The following GSK3B variants were observed in gnomAD, a reference collection of about 807,000 sequenced individuals.
GSK3B encodes glycogen synthase kinase 3 beta.
GSK3B carries 15 observed loss-of-function variants against 56.4 expected under a neutral mutation model. That is an observed-to-expected ratio of 0.27 (90% CI 0.18 to 0.41). GSK3B has a LOEUF of 0.41. Ranked by LOEUF, GSK3B falls within the 10% of genes least tolerant of loss-of-function variation. GSK3B has a pLI of 1.00. For missense variants in GSK3B, 300 were observed against 513.4 expected, an observed-to-expected ratio of 0.58 and a Z score of 4.02; for synonymous variants, 181 against 188.9, an observed-to-expected ratio of 0.96 and a Z score of 0.34.
intron 9 of GSK3B, among the ~76,000 whole-genome samples, chr3:119,849,475 C>T (rs551551474): frequency 5.4e-4 from 82 of 152,292 alleles, no homozygotes; most frequent in African/African-American, 1.9e-3. Context: ...GACATTTTGA[C>T]AAAGCTGTTA....
intron 1 of GSK3B, among the ~76,000 whole-genome samples, chr3:120,005,143 T>A (rs2057715621): frequency 1.3e-5 from 2 of 151,738 alleles, no homozygotes; most frequent in Non-Finnish European, 2.9e-5. Flanking sequence ...CAAGCTTCAG[T>A]AGCTGATTCA....
intron 2 of GSK3B, among the ~76,000 whole-genome samples, chr3:119,976,863 G>C (rs1309218909): frequency 1.3e-5 from 2 of 149,534 alleles, no homozygotes; most frequent in Non-Finnish European, 3.0e-5. Flanking sequence ...CCTTACCTCA[G>C]ATATATATGG....
chr3:119,884,501 T>C (rs1162868956), intron 7 of GSK3B, among the ~76,000 whole-genome samples: 1 of 152,138 alleles, frequency 6.6e-6, no homozygotes, highest in Non-Finnish European at 1.5e-5. Flanking sequence ...ACAGATACAA[T>C]ATTATCCTCT....
chr3:119,854,369 T>G (rs1468610683), intron 9 of GSK3B, among the ~76,000 whole-genome samples: 1 of 152,158 alleles, frequency 6.6e-6, no homozygotes, highest in Non-Finnish European at 1.5e-5. Flanking sequence ...GGGATATTGG[T>G]CTAAAATTCT....
intron 8 of GSK3B, among the ~76,000 whole-genome samples, chr3:119,866,878 G>GAA (rs1464152205): frequency 2.0e-4 from 31 of 152,236 alleles, no homozygotes; most frequent in African/African-American, 7.5e-4. Context: ...GCACAGTAAA[G>GAA]AAACATTTTA....
At chr3:120,034,029 T>C (rs2058000809) in intron 1 of GSK3B, among the ~76,000 whole-genome samples, 1 of 152,162 alleles carries the variant, frequency 6.6e-6, no homozygotes, top group South Asian at 2.1e-4. Flanking sequence ...CTTGTAGAAG[T>C]AGATATACAT....
At chr3:119,983,463 C>G (rs1305946191) in intron 2 of GSK3B, among the ~76,000 whole-genome samples, 1 of 151,636 alleles carries the variant, frequency 6.6e-6, no homozygotes, top group East Asian at 1.9e-4. Context: ...GGAGACCCAT[C>G]TCATATGCAA....
chr3:119,919,532 G>GAAAAAAAAAAAAAAAAAAAAAAAAA (rs1191428996), intron 4 of GSK3B, among the ~76,000 whole-genome samples: 1 of 97,362 alleles, frequency 1.0e-5, no homozygotes, highest in Non-Finnish European at 2.2e-5. Flanking sequence ...AAAAAAAAAA[G>GAAAAAAAAAAAAAAAAAAAAAAAAA]AAAAAAAAAA....
intron 2 of GSK3B, among the ~76,000 whole-genome samples, chr3:119,954,297 T>A (rs947649885): frequency 1.4e-3 from 129 of 89,856 alleles, no homozygotes; most frequent in African/African-American, 4.8e-3. Flanking sequence ...TAGAATAGAA[T>A]AGAATAGAAA....
At chr3:120,027,203 T>G (rs1240023349) in intron 1 of GSK3B, among the ~76,000 whole-genome samples, 1 of 150,926 alleles carries the variant, frequency 6.6e-6, no homozygotes, top group Non-Finnish European at 1.5e-5. Flanking sequence ...GGTGAAGCCC[T>G]GTCTCTACTA....
chr3:120,026,114 T>C (rs532043148), intron 1 of GSK3B, among the ~76,000 whole-genome samples: 4 of 152,254 alleles, frequency 2.6e-5, no homozygotes, highest in Admixed American at 2.6e-4. Flanking sequence ...CCCCCAAATA[T>C]ACCTATCATA....
chr3:120,058,327 T>C (rs560541242), intron 1 of GSK3B, among the ~76,000 whole-genome samples: 3 of 152,302 alleles, frequency 2.0e-5, no homozygotes, highest in African/African-American at 7.2e-5. Flanking sequence ...GTAAAACTTA[T>C]TAATGAATTT....
At position 119,916,118 on chromosome 3, in the gene GSK3B, G is replaced by A. The variant is rs750153331; in HGVS notation, c.534C>T (p.Cys178=). 1.2e-6 allele frequency: 2 copies of A among 1,612,296 alleles called. No individual in the cohort carries two copies. The highest frequency in any genetic ancestry group is 4.5e-5 in the East Asian group (2 of 44,810). ...SLAYIHSFGI[C]HRDIKPQNLL... ...GGTTCTGCGGTTTAATATCCCGATGGCAGATTCCAAAGGAATGGATATAGG... is the reference window on the plus strand; with the variant it reads ...GGTTCTGCGGTTTAATATCCCGATGACAGATTCCAAAGGAATGGATATAGG... Residue 178 remains cysteine (C), a synonymous_variant, in exon 5 of 11, where the codon TGC becomes TGT. Transcript: ENST00000264235.
intron 1 of GSK3B, among the ~76,000 whole-genome samples, chr3:120,092,805 T>C (rs537305012): frequency 6.6e-6 from 1 of 152,300 alleles, no homozygotes; most frequent in African/African-American, 2.4e-5. Context: ...AGGAAGTTCA[T>C]CCACAGATTA....
chr3:120,084,957 C>T (rs934983456), intron 1 of GSK3B, among the ~76,000 whole-genome samples: 2 of 152,084 alleles, frequency 1.3e-5, no homozygotes, highest in Non-Finnish European at 2.9e-5. Flanking sequence ...TATGTATACA[C>T]AAAATGCAAG....
At chr3:119,882,571 C>T (rs913096123) in intron 7 of GSK3B, among the ~76,000 whole-genome samples, 2 of 152,130 alleles carry the variant, frequency 1.3e-5, no homozygotes, top group African/African-American at 4.8e-5. Flanking sequence ...TATCAGTACA[C>T]ATCAGCATGC....
chr3:119,875,815 A>T (rs552415851), intron 8 of GSK3B, among the ~76,000 whole-genome samples: 1 of 152,120 alleles, frequency 6.6e-6, no homozygotes, highest in African/African-American at 2.4e-5. Context: ...TACATTAGCA[A>T]CTATGCTGTT....
At chr3:120,025,059 T>C (rs1559881074) in intron 1 of GSK3B, among the ~76,000 whole-genome samples, 1 of 152,148 alleles carries the variant, frequency 6.6e-6, no homozygotes, top group Non-Finnish European at 1.5e-5. Flanking sequence ...TGCTAATGGA[T>C]AGTAAGATTC....
At chr3:120,038,322 T>C (rs2058038615) in intron 1 of GSK3B, among the ~76,000 whole-genome samples, 1 of 152,192 alleles carries the variant, frequency 6.6e-6, no homozygotes, top group Non-Finnish European at 1.5e-5. Context: ...CCCAGTGCTT[T>C]GGGAGGCCAA....
Sources: allele counts gnomAD v4.1 joint callset (sites outside exome capture counted in the v4.1 genomes callset), GRCh38; gene constraint gnomAD v4.1.1; transcripts MANE v1.5; gene names NCBI Gene and HGNC (gene_info 2026-07-23, HGNC 2026-07-21).